Variants in NTF3 observed in about 807,000 individuals in gnomAD.
NTF3 encodes the protein neurotrophin 3, also known as neurotrophin-3.
A neutral mutation model predicts 26.3 loss-of-function variants in NTF3; 8 were observed. That is an observed-to-expected ratio of 0.30 (90% CI 0.18 to 0.55). The LOEUF (loss-of-function observed/expected upper bound fraction) is 0.55, where lower values mean the gene tolerates loss of function less well. Among genes scored for constraint, NTF3 ranks in the 20% least tolerant of loss-of-function variants. The pLI is 0.93. For synonymous variants in NTF3, 154 were observed against 145.5 expected, an observed-to-expected ratio of 1.06 and a Z score of -0.42; for missense variants, 276 against 352.9, an observed-to-expected ratio of 0.78 and a Z score of 1.75.
chr12:5,445,472 A>G (rs1940294065), intron 1 of NTF3, among the ~76,000 whole-genome samples: 1 of 152,174 alleles, frequency 6.6e-6, no homozygotes, highest in South Asian at 2.1e-4. Flanking sequence ...GCAGAGACCC[A>G]GATGGACAGC....
intron 1 of NTF3, among the ~76,000 whole-genome samples, chr12:5,467,449 C>G (rs1472796451): frequency 2.0e-5 from 3 of 152,144 alleles, no homozygotes; most frequent in Non-Finnish European, 4.4e-5. Context: ...AGGCAGACGT[C>G]TTTAGAGTGC....
intron 1 of NTF3, among the ~76,000 whole-genome samples, chr12:5,440,965 T>A (rs926986092): frequency 4.6e-5 from 7 of 152,240 alleles, no homozygotes; most frequent in African/African-American, 1.7e-4. Context: ...TGAGTGCATG[T>A]TTATGAAGCA....
chr12:5,475,388 A>G (rs1565393668), intron 1 of NTF3, among the ~76,000 whole-genome samples: 2 of 152,074 alleles, frequency 1.3e-5, no homozygotes, highest in Non-Finnish European at 1.5e-5. Context: ...GGGATGATGG[A>G]CATAGGGAAT....
intron 1 of NTF3, among the ~76,000 whole-genome samples, chr12:5,465,429 C>T (rs1437162825): frequency 6.6e-6 from 1 of 152,204 alleles, no homozygotes; most frequent in Non-Finnish European, 1.5e-5. Context: ...ACAGCATTCA[C>T]GTGTAGCAGA....
At chr12:5,473,519 T>G (rs892762272) in intron 1 of NTF3, among the ~76,000 whole-genome samples, 46 of 152,352 alleles carry the variant, frequency 3.0e-4, no homozygotes, top group African/African-American at 1.1e-3. Flanking sequence ...GGTTCTCCAG[T>G]CTTATGCATT....
intron 1 of NTF3, among the ~76,000 whole-genome samples, chr12:5,444,835 C>T (rs1591592739): frequency 6.6e-6 from 1 of 152,248 alleles, no homozygotes; most frequent in Non-Finnish European, 1.5e-5. Context: ...AATGAATGAG[C>T]AAACGAATGC....
intron 1 of NTF3, among the ~76,000 whole-genome samples, chr12:5,454,885 C>T (rs1378717081): frequency 1.3e-5 from 2 of 152,162 alleles, no homozygotes; most frequent in African/African-American, 2.4e-5. Flanking sequence ...TGGGGAGGTG[C>T]AGAAGGCTGC....
chr12:5,462,874 G>C (rs556322102), intron 1 of NTF3, among the ~76,000 whole-genome samples: 1 of 152,260 alleles, frequency 6.6e-6, no homozygotes, highest in Non-Finnish European at 1.5e-5. Flanking sequence ...TAGCTTTTTG[G>C]TTCTCCAGAG....
chr12:5,440,970 G>A (rs549533311), intron 1 of NTF3, among the ~76,000 whole-genome samples: 1 of 152,364 alleles, frequency 6.6e-6, no homozygotes, highest in African/African-American at 2.4e-5. Flanking sequence ...GCATGTTTAT[G>A]AAGCACTGAA....
At chr12:5,453,466 G>A (rs1940400135) in intron 1 of NTF3, among the ~76,000 whole-genome samples, 1 of 152,256 alleles carries the variant, frequency 6.6e-6, no homozygotes, top group Non-Finnish European at 1.5e-5. Context: ...ATCCCTGTTG[G>A]ACTCTTTCTC....
chr12:5,439,080 G>A (rs1940207274), intron 1 of NTF3, among the ~76,000 whole-genome samples: 1 of 152,224 alleles, frequency 6.6e-6, no homozygotes, highest in Non-Finnish European at 1.5e-5. Context: ...GTGCAGAGCT[G>A]AAAGGGGTGG....
intron 1 of NTF3, among the ~76,000 whole-genome samples, chr12:5,487,147 AC>A (rs1414263306): frequency 6.6e-6 from 1 of 152,198 alleles, no homozygotes; most frequent in African/African-American, 2.4e-5. Context: ...GTGTCGGCAT[AC>A]CAAGCTCCTT....
At chr12:5,470,565 T>A (rs1940652277) in intron 1 of NTF3, among the ~76,000 whole-genome samples, 1 of 152,126 alleles carries the variant, frequency 6.6e-6, no homozygotes, top group African/African-American at 2.4e-5. Context: ...TGTTGCTAAG[T>A]CTCCCCTGCC....
intron 1 of NTF3, among the ~76,000 whole-genome samples, chr12:5,491,591 G>C (rs1565398185): frequency 6.6e-6 from 1 of 152,090 alleles, no homozygotes; most frequent in African/African-American, 2.4e-5. Context: ...GTTGTGATTT[G>C]AGCAGCAGTG....
At chr12:5,436,219 CAT>C (rs756577713) in intron 1 of NTF3, among the ~76,000 whole-genome samples, 7 of 152,096 alleles carry the variant, frequency 4.6e-5, no homozygotes, top group Non-Finnish European at 1.0e-4. Context: ...CACCGTTGGG[CAT>C]ATGTTTGGGA....
chr12:5,479,982 G>A (rs1163465182), intron 1 of NTF3, among the ~76,000 whole-genome samples: 1 of 152,152 alleles, frequency 6.6e-6, no homozygotes, highest in Admixed American at 6.5e-5. Context: ...ATCCCTGGGA[G>A]TCTGAGGCCT....
At chr12:5,453,016 C>T (rs1169171163) in intron 1 of NTF3, among the ~76,000 whole-genome samples, 3 of 152,120 alleles carry the variant, frequency 2.0e-5, no homozygotes, top group Admixed American at 1.3e-4. Flanking sequence ...TGAGTAAGAT[C>T]GTTTACACAT....
At chr12:5,431,680 A>T (rs1394548168), upstream of NTF3, among the ~76,000 whole-genome samples, 1 of 152,012 alleles carries the variant, frequency 6.6e-6, no homozygotes, top group East Asian at 1.9e-4. Context: ...AAAGGCCCTG[A>T]TGCCTTGTAA....
intron 1 of NTF3, among the ~76,000 whole-genome samples, chr12:5,461,922 A>G (rs1260765193): frequency 1.3e-5 from 2 of 152,248 alleles, no homozygotes; most frequent in Non-Finnish European, 2.9e-5. Flanking sequence ...AAAGAAAACT[A>G]GAGAATGTTG....
Sources: allele counts gnomAD v4.1 joint callset (sites outside exome capture counted in the v4.1 genomes callset), GRCh38; gene constraint gnomAD v4.1.1; transcripts MANE v1.5; gene names NCBI Gene and HGNC (gene_info 2026-07-23, HGNC 2026-07-21).